PCDH15: variants seen among roughly 807,000 people sequenced by gnomAD.
PCDH15 encodes protocadherin related 15, also known as protocadherin-15.
Under a neutral mutation model 178.5 loss-of-function variants are expected in PCDH15, and 129 were observed. That is an observed-to-expected ratio of 0.72 (90% CI 0.63 to 0.84). PCDH15 has a LOEUF of 0.84. Ranked by LOEUF, PCDH15 falls within the 40% of genes least tolerant of loss-of-function variation. PCDH15 has a pLI of 0.00. For missense variants in PCDH15, 2,230 were observed against 2,099.9 expected (o/e 1.06, Z -1.21); for synonymous variants, 800 against 732.0 (o/e 1.09, Z -1.50).
At chr10:55,094,913 A>G (rs1842411068) in intron 2 of PCDH15, among the ~76,000 whole-genome samples, 1 of 149,310 alleles carries the variant, frequency 6.7e-6, no homozygotes, top group Admixed American at 6.7e-5. Flanking sequence ...CAAAAAACAA[A>G]CTCTATATCC....
At chr10:55,539,218 C>A (rs1318984122) in intron 2 of PCDH15, among the ~76,000 whole-genome samples, 1 of 151,770 alleles carries the variant, frequency 6.6e-6, no homozygotes, top group African/African-American at 2.4e-5. Context: ...AGTAATACAC[C>A]ATTTGTATTA....
At chr10:54,817,931 A>C (rs1378761466) in intron 3 of PCDH15, among the ~76,000 whole-genome samples, 4 of 151,992 alleles carry the variant, frequency 2.6e-5, no homozygotes, top group African/African-American at 9.7e-5. Flanking sequence ...ATCATAATTA[A>C]TTACTTATGT....
chr10:53,892,013 C>T (rs986772515), intron 26 of PCDH15, among the ~76,000 whole-genome samples: 3 of 136,304 alleles, frequency 2.2e-5, no homozygotes, highest in Admixed American at 7.4e-5. Flanking sequence ...AGCAGCTTTA[C>T]ATCTATGTTT....
rs767750465 is a variant in PCDH15 at position 54,462,680 on chromosome 10, A to ATTT, written c.157+65129_157+65131dup. Among the ~76,000 whole-genome samples, 366 of 56,238 alleles carry ATTT rather than the reference A, an allele frequency of 6.5e-3. 36 individuals are homozygous for ATTT. Among genetic ancestry groups the ATTT allele is most frequent in the East Asian group, 0.011 (18 of 1,594 alleles). 36.9% of individuals were successfully genotyped at this position (56,238 alleles called of 152,430 possible). On this transcript the variant is annotated intron_variant, in intron 3 of 37. Transcript: ENST00000644397. ...AGGCACGTGTCACCACACCTGCTTA[A>ATTT]TTTTTTTTTTTTTTTTTTTTTTTTT...
intron 8 of PCDH15, among the ~76,000 whole-genome samples, chr10:54,279,586 T>C (rs1268757386): frequency 1.3e-5 from 2 of 151,446 alleles, no homozygotes; most frequent in African/African-American, 4.8e-5. Flanking sequence ...TGATAGAAGA[T>C]GCTGCTCATT....
chr10:54,004,098 T>TAAAAACCG (rs1554906426), intron 20 of PCDH15, among the ~76,000 whole-genome samples: 1 of 151,110 alleles, frequency 6.6e-6, no homozygotes, highest in African/African-American at 2.4e-5. Flanking sequence ...TCTTTCATGA[T>TAAAAACCG]AAAAACCCTC....
chr10:54,848,761 A>G (rs903012509), intron 3 of PCDH15, among the ~76,000 whole-genome samples: 3 of 152,194 alleles, frequency 2.0e-5, no homozygotes, highest in Admixed American at 6.5e-5. Context: ...TAGAAACTTC[A>G]CATATATTTA....
chr10:54,974,720 T>C (rs1013562165), intron 2 of PCDH15, among the ~76,000 whole-genome samples: 1 of 152,134 alleles, frequency 6.6e-6, no homozygotes, highest in African/African-American at 2.4e-5. Context: ...TTCAGAATTC[T>C]GAGCAGCCAT....
intron 2 of PCDH15, among the ~76,000 whole-genome samples, chr10:55,579,774 T>C (rs1269099187): frequency 6.6e-6 from 1 of 152,214 alleles, no homozygotes; most frequent in Admixed American, 6.5e-5. Context: ...ATCCATTCAC[T>C]CATAGATTAC....
chr10:53,971,102 C>A (rs566233258), intron 21 of PCDH15, among the ~76,000 whole-genome samples: 1 of 152,170 alleles, frequency 6.6e-6, no homozygotes, highest in Non-Finnish European at 1.5e-5. Context: ...ATCAAGTGGG[C>A]CTCATCCCTG....
At chr10:55,376,215 G>C (rs1268525618) in intron 2 of PCDH15, among the ~76,000 whole-genome samples, 2 of 152,020 alleles carry the variant, frequency 1.3e-5, no homozygotes, top group Non-Finnish European at 2.9e-5. Flanking sequence ...CAAATACTAT[G>C]TAGGATATTT....
intron 3 of PCDH15, among the ~76,000 whole-genome samples, chr10:54,854,835 C>G (rs1033666503): frequency 1.3e-5 from 2 of 152,122 alleles, no homozygotes; most frequent in Non-Finnish European, 2.9e-5. Context: ...GGAGCCCAGC[C>G]CCCAGCCTTC....
chr10:55,277,085 T>G (rs1017042449), intron 1 of PCDH15, among the ~76,000 whole-genome samples: 1 of 152,116 alleles, frequency 6.6e-6, no homozygotes, highest in African/African-American at 2.4e-5. Flanking sequence ...TAAAATCTCC[T>G]ACCTAGATTA....
chr10:54,792,793 T>G (rs1370353389), intron 1 of PCDH15, among the ~76,000 whole-genome samples: 3 of 151,878 alleles, frequency 2.0e-5, no homozygotes, highest in African/African-American at 7.2e-5. Flanking sequence ...ATTTGTCACC[T>G]ATCTAATTTC....
At chr10:55,120,023 G>C (rs1482033042) in intron 2 of PCDH15, among the ~76,000 whole-genome samples, 2 of 151,852 alleles carry the variant, frequency 1.3e-5, no homozygotes, top group Non-Finnish European at 2.9e-5. Flanking sequence ...AAGAGTGAGT[G>C]GAAAGAGACT....
rs193184668 is a variant in PCDH15, at chr10:54,620,128, C to T, written c.91+44044G>A. On this transcript the variant is annotated intron_variant, in intron 2 of 37. Transcript: ENST00000644397. ...AGTTAAATCGTTGCAGCAGAGATGA[C>T]GCGGCCCACAAAAGCCCTAAAGATT... Among the ~76,000 whole-genome samples the T allele has an allele frequency of 5.4e-3, 818 of 152,028 alleles. 4 individuals carry two copies. Among genetic ancestry groups the T allele is most frequent in the Middle Eastern group, 0.027 (8 of 294 alleles).
chr10:54,312,676 C>CA (rs2060984348), intron 8 of PCDH15, among the ~76,000 whole-genome samples: 1 of 152,052 alleles, frequency 6.6e-6, no homozygotes, highest in South Asian at 2.1e-4. Flanking sequence ...AGCCAACAGC[C>CA]AAAATCAACT....
chr10:55,000,625 G>A (rs1019912379), intron 2 of PCDH15, among the ~76,000 whole-genome samples: 2 of 152,240 alleles, frequency 1.3e-5, no homozygotes, highest in East Asian at 1.9e-4. Flanking sequence ...GTATTGATTG[G>A]GGAAGTGATA....
intron 2 of PCDH15, among the ~76,000 whole-genome samples, chr10:55,440,185 CAA>C (rs1306836504): frequency 6.6e-6 from 1 of 152,068 alleles, no homozygotes; most frequent in Non-Finnish European, 1.5e-5. Flanking sequence ...GGATATCTGA[CAA>C]GTTATAATTT....
Sources: allele counts gnomAD v4.1 joint callset (sites outside exome capture counted in the v4.1 genomes callset), GRCh38; gene constraint gnomAD v4.1.1; transcripts MANE v1.5; gene names NCBI Gene and HGNC (gene_info 2026-07-23, HGNC 2026-07-21).